The following LAMB4 variants were observed in gnomAD, a reference collection of about 807,000 sequenced individuals.
LAMB4 encodes laminin subunit beta-4.
LAMB4 carries 196 observed loss-of-function variants against 199.2 expected under a neutral mutation model. The ratio of observed to expected loss-of-function variants is 0.98; its 90% CI spans 0.88 to 1.11. The LOEUF is 1.11. Ranked by LOEUF, LAMB4 falls within the 50% of genes least tolerant of loss-of-function variation. The pLI, the probability that LAMB4 is intolerant of heterozygous loss-of-function variation, is 0.00. For missense variants in LAMB4, 2,080 were observed against 2,171.2 expected (o/e 0.96, Z 0.83); for synonymous variants, 744 against 770.6 (o/e 0.97, Z 0.57).
intron 28 of LAMB4, among the ~76,000 whole-genome samples, chr7:108,047,128 A>T (rs1462700663): frequency 6.6e-6 from 1 of 152,074 alleles, no homozygotes; most frequent in African/African-American, 2.4e-5. Flanking sequence ...CTGTAAACAA[A>T]CATGTCCACA....
intron 14 of LAMB4, among the ~76,000 whole-genome samples, chr7:108,080,201 C>T (rs984264420): frequency 6.6e-6 from 1 of 152,156 alleles, no homozygotes; most frequent in African/African-American, 2.4e-5. Flanking sequence ...AGAAAACCCA[C>T]ATGGATTTAT....
At chr7:108,094,880 G>T (rs1361308007) in intron 12 of LAMB4, among the ~76,000 whole-genome samples, 2 of 152,142 alleles carry the variant, frequency 1.3e-5, no homozygotes, top group Non-Finnish European at 2.9e-5. Flanking sequence ...GTGTACAAGG[G>T]ATAGAAGAAA....
intron 10 of LAMB4, among the ~76,000 whole-genome samples, chr7:108,100,062 C>G (rs2037764314): frequency 6.6e-6 from 1 of 152,094 alleles, no homozygotes. Flanking sequence ...GGGAGACACT[C>G]CAAAGAATCA....
intron 3 of LAMB4, among the ~76,000 whole-genome samples, chr7:108,114,283 T>C (rs949884549): frequency 2.6e-5 from 4 of 152,046 alleles, no homozygotes; most frequent in Admixed American, 2.6e-4. Flanking sequence ...TAACAGGGCA[T>C]GGTGGTGCTT....
rs2035271179 is a variant in LAMB4 at position 108,037,485 on chromosome 7, G to A, written c.4582C>T (p.His1528Tyr). ...LTDELVKIQKHMQLCEDYRTD... is the reference protein window; with the variant it reads ...LTDELVKIQKYMQLCEDYRTD... ...CTGTAATCCTCACAGAGTTGCATATGTTTCTGTATTTTGACAAGTTCATCG... is the reference window on the plus strand; with the variant it reads ...CTGTAATCCTCACAGAGTTGCATATATTTCTGTATTTTGACAAGTTCATCG... Residue 1528 changes from histidine (H) to tyrosine (Y), a missense_variant, in exon 30 of 34, where the codon CAT becomes TAT. Coordinates refer to ENST00000388781, the MANE Select transcript of LAMB4 (RefSeq NM_007356.3). The A allele has an allele frequency of 6.2e-7, 1 of 1,613,816 alleles. No individual in the cohort carries two copies. Among genetic ancestry groups the A allele is most frequent in the African/African-American group, 1.3e-5 (1 of 74,894 alleles).
intron 2 of LAMB4, among the ~76,000 whole-genome samples, chr7:108,122,562 T>A (rs1014612014): frequency 1.3e-5 from 2 of 152,226 alleles, no homozygotes; most frequent in African/African-American, 4.8e-5. Context: ...ATCTTTGAAG[T>A]GAAGATTCTA....
At position 108,103,063 on chromosome 7, in the gene LAMB4, T is replaced by G. The variant is rs1281776217; in HGVS notation, c.1161A>C (p.Ser387=). ...LFYRDPLKTI[S]DPYACIPCEC... Reference sequence around the variant, plus strand: ...ACTCACGAATGCACGCGTAGGGATCTGAGATGGTCTTGAGCGGGTCCCTGT... The same window carrying G: ...ACTCACGAATGCACGCGTAGGGATCGGAGATGGTCTTGAGCGGGTCCCTGT... Residue 387 remains serine, a synonymous_variant, in exon 10 of 34, where the codon TCA becomes TCC. Coordinates refer to ENST00000388781, the MANE Select transcript of LAMB4 (RefSeq NM_007356.3). 3.1e-6 allele frequency: 5 copies of G among 1,602,392 alleles called. No homozygotes were observed. Among genetic ancestry groups the G allele is most frequent in the Non-Finnish European group, 4.3e-6 (5 of 1,171,216 alleles).
intron 17 of LAMB4, among the ~76,000 whole-genome samples, chr7:108,076,574 C>A (rs182878711): frequency 2.6e-5 from 4 of 152,268 alleles, no homozygotes; most frequent in Non-Finnish European, 5.9e-5. Flanking sequence ...ATTTCCTATA[C>A]CAACAGTGTG....
intron 14 of LAMB4, 46 bp downstream of exon 14, chr7:108,091,580 C>T (rs775873045): frequency 5.7e-6 from 9 of 1,576,766 alleles, no homozygotes; most frequent in Non-Finnish European, 1.7e-6. Flanking sequence ...TGTTTACTGA[C>T]ATATCATCAA....
intron 9 of LAMB4, 58 bp downstream of exon 9, chr7:108,104,441 C>T: frequency 6.2e-7 from 1 of 1,600,898 alleles, no homozygotes; most frequent in Non-Finnish European, 8.5e-7. Context: ...CGAAGTGTTT[C>T]TTAAATAAGG....
Position 108,024,147 on chromosome 7 carries a change from T to C in LAMB4, c.5178A>G (p.Leu1726=), listed in dbSNP as rs769797834. The C allele has an allele frequency of 2.5e-6, 4 of 1,579,720 alleles. No homozygotes were observed. Among genetic ancestry groups the C allele is most frequent in the Non-Finnish European group, 2.6e-6 (3 of 1,160,266 alleles). The change falls in exon 34 of 34, where the codon CTA becomes CTG. Residue 1726 remains leucine, a synonymous_variant. Coordinates refer to ENST00000388781, the MANE Select transcript of LAMB4 (RefSeq NM_007356.3). ...DLERKIQDLN[L]SRQAKADQLR... ...GTTGATCAGCTTTTGCTTGTCTACT[T>C]AGATTCAAATCTTGGATTTTCCTTT...
chr7:108,031,226 G>A (rs2035019684), intron 31 of LAMB4, among the ~76,000 whole-genome samples: 1 of 151,436 alleles, frequency 6.6e-6, no homozygotes, highest in Non-Finnish European at 1.5e-5. Flanking sequence ...GGGAGGCTGA[G>A]GCAGGAGGAT....
At chr7:108,077,792 G>GTAATCAAGC (rs2036761332) in intron 16 of LAMB4, among the ~76,000 whole-genome samples, 1 of 152,214 alleles carries the variant, frequency 6.6e-6, no homozygotes, top group Admixed American at 6.5e-5. Flanking sequence ...TCTATTGAGA[G>GTAATCAAGC]TAATCAAGCT....
intron 11 of LAMB4, among the ~76,000 whole-genome samples, chr7:108,096,169 C>T (rs1306152531): frequency 6.6e-6 from 1 of 152,212 alleles, no homozygotes; most frequent in Non-Finnish European, 1.5e-5. Context: ...CCCACTCCTT[C>T]TCCCCTCTAA....
chr7:108,097,016 C>T (rs1055551555), intron 11 of LAMB4, among the ~76,000 whole-genome samples: 3 of 150,784 alleles, frequency 2.0e-5, no homozygotes, highest in African/African-American at 7.3e-5. Context: ...TAATGTTCAG[C>T]CTGTTCTTGG....
At chr7:108,057,160 C>A (rs543463670) in intron 24 of LAMB4, among the ~76,000 whole-genome samples, 1 of 152,274 alleles carries the variant, frequency 6.6e-6, no homozygotes, top group Non-Finnish European at 1.5e-5. Flanking sequence ...CGCTCTTCCC[C>A]AGGAGATTTA....
chr7:108,037,414 C>G lies in LAMB4; in HGVS notation c.4653G>C (p.Lys1551Asn), dbSNP rs779081758. The G allele has an allele frequency of 4.3e-6, 7 of 1,614,012 alleles. No individual in the cohort carries two copies. The highest frequency in any genetic ancestry group is 1.7e-5 in the Admixed American group (1 of 59,996). ...RLNEEADGAQ[K>N]LLVKAKAAEK... ...CAGCTGCTTTGGCCTTCACCAAAAG[C>G]TTTTGGGCTCCATCTGCTTCTTCAT... Residue 1551 changes from lysine (K) to asparagine (N), a missense_variant, in exon 30 of 34, where the codon AAG (lysine) becomes AAC (asparagine). By Grantham distance (94) the Lys-to-Asn change is moderately conservative. Transcript: ENST00000388781.
At chr7:108,101,429 G>A (rs552185735) in intron 10 of LAMB4, among the ~76,000 whole-genome samples, 35 of 152,254 alleles carry the variant, frequency 2.3e-4, no homozygotes, top group African/African-American at 7.5e-4. Context: ...CATGGTATCC[G>A]TTGTGTCACT....
intron 32 of LAMB4, among the ~76,000 whole-genome samples, chr7:108,029,572 G>A (rs999043830): frequency 6.6e-6 from 1 of 152,146 alleles, no homozygotes; most frequent in Non-Finnish European, 1.5e-5. Flanking sequence ...AGTTATATAT[G>A]TAAAATGAAG....
Sources: allele counts gnomAD v4.1 joint callset (sites outside exome capture counted in the v4.1 genomes callset), GRCh38; gene constraint gnomAD v4.1.1; transcripts MANE v1.5; gene names NCBI Gene and HGNC (gene_info 2026-07-23, HGNC 2026-07-21).